The following SPATA6L variants were observed in gnomAD, a reference collection of about 807,000 sequenced individuals.
SPATA6L encodes the protein spermatogenesis associated 6-like protein.
A neutral mutation model predicts 49.2 loss-of-function variants in SPATA6L; 68 were observed. The ratio of observed to expected loss-of-function variants is 1.38; its 90% CI spans 1.14 to 1.69. The LOEUF (loss-of-function observed/expected upper bound fraction) is 1.69, where lower values mean the gene tolerates loss of function less well. Ranked by LOEUF, SPATA6L falls within the 40% of genes most tolerant of loss-of-function variation. The pLI is 0.00. For synonymous variants in SPATA6L, 198 were observed against 165.7 expected, an observed-to-expected ratio of 1.19 and a Z score of -1.50; for missense variants, 668 against 464.3, an observed-to-expected ratio of 1.44 and a Z score of -4.03.
At chr9:4,631,889 C>G (rs1026951971) in intron 4 of SPATA6L, among the ~76,000 whole-genome samples, 4 of 152,166 alleles carry the variant, frequency 2.6e-5, no homozygotes, top group Non-Finnish European at 4.4e-5. Context: ...ATTTCTGAAA[C>G]TCTTTACACC....
At chr9:4,665,561 GC>G (rs1437373528) in intron 1 of SPATA6L, among the ~76,000 whole-genome samples, 2 of 152,170 alleles carry the variant, frequency 1.3e-5, no homozygotes, top group Non-Finnish European at 2.9e-5. Flanking sequence ...CAGTAGAAAA[GC>G]CCCTAGAGGA....
At chr9:4,601,836 C>G (rs1327519806) in intron 11 of SPATA6L, among the ~76,000 whole-genome samples, 1 of 152,204 alleles carries the variant, frequency 6.6e-6, no homozygotes, top group Admixed American at 6.5e-5. Context: ...CTGTCCTGTT[C>G]TAGCTATTTG....
At chr9:4,589,364 G>A (rs1384751406) in intron 13 of SPATA6L, among the ~76,000 whole-genome samples, 2 of 152,104 alleles carry the variant, frequency 1.3e-5, no homozygotes, top group Non-Finnish European at 2.9e-5. Flanking sequence ...TGCAATTGCT[G>A]TTCCAGTATT....
At chr9:4,631,279 T>C (rs1021524366) in intron 4 of SPATA6L, among the ~76,000 whole-genome samples, 1 of 152,156 alleles carries the variant, frequency 6.6e-6, no homozygotes, top group African/African-American at 2.4e-5. Flanking sequence ...GGATTTAACA[T>C]AATAAATAAC....
intron 3 of SPATA6L, among the ~76,000 whole-genome samples, chr9:4,644,342 C>CA (rs1221435656): frequency 6.7e-6 from 1 of 149,762 alleles, no homozygotes; most frequent in Non-Finnish European, 1.5e-5. Context: ...GATCTTGTCT[C>CA]AAAAAATATA....
At chr9:4,650,037 G>C (rs1439977141) in intron 3 of SPATA6L, among the ~76,000 whole-genome samples, 1 of 152,178 alleles carries the variant, frequency 6.6e-6, no homozygotes, top group South Asian at 2.1e-4. Context: ...CTTTTTAAAA[G>C]GTCAAATGCC....
intron 1 of SPATA6L, chr9:4,663,126 G>A: frequency 6.2e-7 from 1 of 1,614,098 alleles, no homozygotes; most frequent in Non-Finnish European, 8.5e-7. Context: ...CCTATCCAGG[G>A]TCATGCTGGG....
At chr9:4,616,239 T>C (rs1827963131) in intron 9 of SPATA6L, among the ~76,000 whole-genome samples, 1 of 151,988 alleles carries the variant, frequency 6.6e-6, no homozygotes, top group Non-Finnish European at 1.5e-5. Flanking sequence ...ATTGTGCCAC[T>C]GCACTCCAGC....
chr9:4,663,067 T>C lies in SPATA6L; in HGVS notation c.40-1031A>G, dbSNP rs1418742964. 12 of 1,613,950 alleles carry C rather than the reference T, an allele frequency of 7.4e-6. No homozygotes were observed. The highest frequency in any genetic ancestry group is 6.7e-5 in the East Asian group (3 of 44,884). The stretch of plus-strand genomic sequence containing the variant: ...AGGTTCATCCTGAACCACCTGGTGC[T>C]GGCCATTCCACTGAGGGTGCTGGTG... On this transcript the variant is annotated intron_variant, in intron 1 of 11. Coordinates refer to ENST00000682582, the MANE Select transcript of SPATA6L (RefSeq NM_001353486.2).
chr9:4,625,313 A>C lies in SPATA6L; in HGVS notation c.669+14T>G. ...ACTATTGCAAAATGCTCTAAAAAAT[A>C]ATTTTAGGCTCACGTGTCTAACAAC... On this transcript the variant is annotated intron_variant, in intron 6 of 11. Coordinates refer to ENST00000682582, the MANE Select transcript of SPATA6L (RefSeq NM_001353486.2). 1 of 1,604,856 alleles carries C rather than the reference A, an allele frequency of 6.2e-7. No individual in the cohort carries two copies. The highest frequency in any genetic ancestry group is 8.5e-7 in the Non-Finnish European group (1 of 1,175,844).
intron 3 of SPATA6L, among the ~76,000 whole-genome samples, chr9:4,639,217 A>G (rs1833515426): frequency 6.6e-6 from 1 of 152,178 alleles, no homozygotes. Flanking sequence ...TGGTTTCTGT[A>G]AACATCATTA....
At chr9:4,644,355 TA>T (rs901961831) in intron 3 of SPATA6L, among the ~76,000 whole-genome samples, 1 of 150,510 alleles carries the variant, frequency 6.6e-6, no homozygotes, top group Admixed American at 6.6e-5. Flanking sequence ...AAAATATATA[TA>T]AAAAATAAAA....
At chr9:4,645,806 T>C (rs301467) in intron 3 of SPATA6L, among the ~76,000 whole-genome samples, 95,773 of 151,948 alleles carry the variant, frequency 0.63, 32,116 homozygotes, top group African/African-American at 0.88. Flanking sequence ...TCAACAGAGA[T>C]AGAATTAGTG....
intron 9 of SPATA6L, among the ~76,000 whole-genome samples, chr9:4,609,498 A>T (rs1826136837): frequency 1.3e-5 from 2 of 152,174 alleles, no homozygotes; most frequent in African/African-American, 4.8e-5. Flanking sequence ...AATATACGCA[A>T]ATCAATAAAT....
At chr9:4,628,075 G>C (rs140663561) in intron 5 of SPATA6L, 101 of 322,144 alleles carry the variant, frequency 3.1e-4, no homozygotes, top group African/African-American at 2.3e-3. Flanking sequence ...TGGAGACAGA[G>C]AGTAGAATGA....
At chr9:4,653,211 T>C (rs1218609520) in intron 3 of SPATA6L, among the ~76,000 whole-genome samples, 1 of 152,252 alleles carries the variant, frequency 6.6e-6, no homozygotes, top group Admixed American at 6.5e-5. Flanking sequence ...ACCCTCACAT[T>C]ACTGTAAGCT....
chr9:4,660,251 G>C (rs1170957522), intron 2 of SPATA6L, among the ~76,000 whole-genome samples: 6 of 152,278 alleles, frequency 3.9e-5, no homozygotes, highest in Admixed American at 2.0e-4. Flanking sequence ...GCAACCTACA[G>C]AAAGGGAGGA....
intron 9 of SPATA6L, among the ~76,000 whole-genome samples, chr9:4,612,260 C>T (rs1305204226): frequency 6.6e-6 from 1 of 152,158 alleles, no homozygotes; most frequent in African/African-American, 2.4e-5. Context: ...AGGTGTGAGC[C>T]ACTACACCCA....
rs1832571931 is a variant in SPATA6L at position 4,635,309 on chromosome 9, C to A, written c.317G>T (p.Arg106Met). 1 of 1,576,674 alleles carries A rather than the reference C, an allele frequency of 6.3e-7. No homozygotes were observed. The highest frequency in any genetic ancestry group is 1.4e-5 in the African/African-American group (1 of 71,782). Residue 106 changes from arginine to methionine, a missense_variant, in exon 4 of 12, where the codon AGG (arginine) becomes ATG (methionine). Arg to Met is a moderately conservative substitution (Grantham distance 91, BLOSUM62 -1). Coordinates refer to ENST00000682582, the MANE Select transcript of SPATA6L (RefSeq NM_001353486.2). ...KLTPSHPRRC[R>M]EVLMKTALGF... is the part of the protein sequence containing the mutation. ...CAGAGCCGTCTTCATGAGCACCTCC[C>A]TACACCTCCTAGGGTGCGAAGGTGT...
Sources: allele counts gnomAD v4.1 joint callset (sites outside exome capture counted in the v4.1 genomes callset), GRCh38; gene constraint gnomAD v4.1.1; transcripts MANE v1.5; gene names NCBI Gene and HGNC (gene_info 2026-07-23, HGNC 2026-07-21).